Variants in LAMC1 observed in about 807,000 individuals in gnomAD.
The protein encoded by LAMC1 is laminin subunit gamma-1.
A neutral mutation model predicts 173.6 loss-of-function variants in LAMC1; 38 were observed. The ratio of observed to expected loss-of-function variants is 0.22; its 90% CI spans 0.17 to 0.29. LAMC1 has a LOEUF of 0.29. LAMC1 is among the 10% of genes least tolerant of loss of function. LAMC1 has a pLI of 1.00. For synonymous variants in LAMC1, 746 were observed against 749.1 expected, an observed-to-expected ratio of 1.00 and a Z score of 0.07; for missense variants, 1,824 against 2,051.8, an observed-to-expected ratio of 0.89 and a Z score of 2.14.
Position 183,142,685 on chromosome 1 carries a change from T to C in LAMC1, c.4725T>C (p.Tyr1575=), listed in dbSNP as rs755893791. ...AGCAGGAGGCTGCCATCATGGACTA[T>C]AACCGAGATATCGAGGAGATCATGA... ...AKKQEAAIMD[Y]NRDIEEIMKD... Residue 1575 remains tyrosine (Y), a synonymous_variant, in exon 28 of 28, where the codon TAT becomes TAC. Coordinates refer to ENST00000258341, the MANE Select transcript of LAMC1 (RefSeq NM_002293.4). The C allele has an allele frequency of 1.4e-5, 22 of 1,613,946 alleles. No individual in the cohort carries two copies. The East Asian group carries it at 4.9e-4, about 36-fold the overall frequency.
chr1:183,103,175 C>G (rs772807322), intron 1 of LAMC1, among the ~76,000 whole-genome samples, 153 bp from the exon 2 acceptor site: 1 of 152,092 alleles, frequency 6.6e-6, no homozygotes, highest in Non-Finnish European at 1.5e-5. Flanking sequence ...GGGGAAAATA[C>G]GTAGTTTTCT....
chr1:183,074,743 T>A (rs2102043713), intron 1 of LAMC1, among the ~76,000 whole-genome samples: 1 of 152,334 alleles, frequency 6.6e-6, no homozygotes, highest in African/African-American at 2.4e-5. Flanking sequence ...GTTTTATACC[T>A]TTAATCCCCA....
chr1:183,050,012 A>G (rs1286533036), intron 1 of LAMC1, among the ~76,000 whole-genome samples: 1 of 152,100 alleles, frequency 6.6e-6, no homozygotes, highest in African/African-American at 2.4e-5. Context: ...ATACACTTAG[A>G]ATCTTATGTG....
At chr1:183,055,406 T>A (rs1256794533) in intron 1 of LAMC1, among the ~76,000 whole-genome samples, 1 of 152,150 alleles carries the variant, frequency 6.6e-6, no homozygotes, top group Non-Finnish European at 1.5e-5. Context: ...GGTGACTAAT[T>A]TAGCCTCTTG....
At chr1:183,122,963 G>T (rs534553684) in intron 13 of LAMC1, among the ~76,000 whole-genome samples, 3 of 152,048 alleles carry the variant, frequency 2.0e-5, no homozygotes, top group South Asian at 2.1e-4. Context: ...CACTCTTCTC[G>T]CAGTTTCCTT....
At chr1:183,032,456 T>C (rs12080966) in intron 1 of LAMC1, among the ~76,000 whole-genome samples, 3,228 of 152,336 alleles carry the variant, frequency 0.021, 112 homozygotes, top group African/African-American at 0.073. Context: ...TTTGTTATTT[T>C]ATCTTTTTGT....
chr1:183,127,665 A>G (rs1190590933), intron 17 of LAMC1, among the ~76,000 whole-genome samples: 1 of 152,248 alleles, frequency 6.6e-6, no homozygotes, highest in Non-Finnish European at 1.5e-5. Context: ...GAATTCATCT[A>G]AGGTGAGATC....
chr1:183,116,832 T>G lies in LAMC1; in HGVS notation c.1493T>G (p.Phe498Cys). The change falls in exon 8 of 28, where the codon TTT (phenylalanine) becomes TGT (cysteine). Residue 498 changes from phenylalanine to cysteine, a missense_variant. Transcript: ENST00000258341. ...NPRGCTPCFC[F>C]GHSSVCTNAV... ...CGGGGTTGCACACCCTGCTTCTGCTTTGGGCATTCTTCTGTCTGTACAAAC... is the reference window on the plus strand; with the variant it reads ...CGGGGTTGCACACCCTGCTTCTGCTGTGGGCATTCTTCTGTCTGTACAAAC... 1.9e-6 allele frequency: 3 copies of G among 1,614,006 alleles called. No individual in the cohort carries two copies. Among genetic ancestry groups the G allele is most frequent in the Non-Finnish European group, 2.5e-6 (3 of 1,179,850 alleles).
At chr1:183,043,039 T>C (rs1433616346) in intron 1 of LAMC1, among the ~76,000 whole-genome samples, 1 of 152,222 alleles carries the variant, frequency 6.6e-6, no homozygotes, top group African/African-American at 2.4e-5. Context: ...GTGCTTTTTG[T>C]GGCTTGAACA....
intron 1 of LAMC1, among the ~76,000 whole-genome samples, chr1:183,096,941 T>G (rs1655708666): frequency 6.6e-6 from 1 of 152,248 alleles, no homozygotes; most frequent in South Asian, 2.1e-4. Flanking sequence ...GTGACTGCAC[T>G]GTACCAGACC....
chr1:183,071,393 C>G (rs1265111511), intron 1 of LAMC1, among the ~76,000 whole-genome samples: 1 of 152,090 alleles, frequency 6.6e-6, no homozygotes, highest in African/African-American at 2.4e-5. Context: ...ATAGTACTGT[C>G]TTTGTTTTTC....
At chr1:183,133,291 G>A in intron 21 of LAMC1, 115 bp from the exon 22 acceptor site, 1 of 826,034 alleles carries the variant, frequency 1.2e-6, no homozygotes, top group Admixed American at 2.4e-5. Context: ...GCATTTTAAT[G>A]TAGCATTTCC....
At chr1:183,111,440 C>T (rs574928228) in intron 4 of LAMC1, among the ~76,000 whole-genome samples, 6 of 151,786 alleles carry the variant, frequency 4.0e-5, no homozygotes, top group Non-Finnish European at 8.8e-5. Flanking sequence ...AAGAGTACAA[C>T]GGGGAGAATT....
rs1293805708 is a variant in LAMC1 at position 183,029,285 on chromosome 1, GCCTTACTGTAAGTT to G, written c.418+5168_418+5181del. Among the ~76,000 whole-genome samples the G allele has an allele frequency of 9.2e-5, 14 of 152,198 alleles. No homozygotes were observed. The South Asian group carries it at 1.5e-3, about 16-fold the overall frequency. ...CTTTCTCTCCGTCCTCTTTGTCTCTGCCTTACTGTAAGTTCCTTACTGTAAGTTCCCATTGCATT... is the reference window on the plus strand; with the variant it reads ...CTTTCTCTCCGTCCTCTTTGTCTCTGCCTTACTGTAAGTTCCCATTGCATT... On this transcript the variant is annotated intron_variant, in intron 1 of 27. Coordinates refer to ENST00000258341, the MANE Select transcript of LAMC1 (RefSeq NM_002293.4).
chr1:183,123,717 G>C (rs562822876), intron 13 of LAMC1, among the ~76,000 whole-genome samples: 44 of 152,226 alleles, frequency 2.9e-4, no homozygotes, highest in South Asian at 2.5e-3. Context: ...TTGTTTATTT[G>C]TATGTCTGTG....
At chr1:183,062,088 G>T (rs535295392) in intron 1 of LAMC1, among the ~76,000 whole-genome samples, 1 of 152,210 alleles carries the variant, frequency 6.6e-6, no homozygotes, top group Non-Finnish European at 1.5e-5. Flanking sequence ...GGTAAGAATA[G>T]TGTTCAGTTA....
Position 183,130,324 on chromosome 1 carries a change from T to C in LAMC1, c.3281-20T>C, listed in dbSNP as rs1257122711. 3 of 1,596,678 alleles carry C rather than the reference T, an allele frequency of 1.9e-6. No homozygotes were observed. Among genetic ancestry groups the C allele is most frequent in the Admixed American group, 3.3e-5 (2 of 59,960 alleles). ...TCCTCTTCAGATAATTTACAGACTT[T>C]CTTCTGCAAACCATTTTAGATGTTG... On this transcript the variant is annotated intron_variant, in intron 18 of 27. Transcript: ENST00000258341.
intron 1 of LAMC1, among the ~76,000 whole-genome samples, chr1:183,064,844 CA>C (rs1654833646): frequency 2.6e-5 from 4 of 152,268 alleles, no homozygotes; most frequent in Middle Eastern, 6.8e-3. Flanking sequence ...AGTTTAGGGT[CA>C]TATGTGGCTG....
chr1:183,046,956 C>A (rs1654281922), intron 1 of LAMC1, among the ~76,000 whole-genome samples: 1 of 152,058 alleles, frequency 6.6e-6, no homozygotes, highest in Non-Finnish European at 1.5e-5. Context: ...ATATTTATTT[C>A]TGTAAGCTAC....
Sources: gnomAD v4.1 joint callset for allele counts (sites outside exome capture counted in the v4.1 genomes callset) on GRCh38, gnomAD v4.1.1 for gene constraint, MANE v1.5 for transcripts, NCBI Gene and HGNC (gene_info 2026-07-23, HGNC 2026-07-21) for gene names.